Variants in PRKDC observed in about 807,000 individuals in gnomAD.
PRKDC encodes the protein protein kinase, DNA-activated, catalytic subunit.
Under a neutral mutation model 486.9 loss-of-function variants are expected in PRKDC, and 82 were observed. That is an observed-to-expected ratio of 0.17 (90% CI 0.14 to 0.20). The LOEUF (loss-of-function observed/expected upper bound fraction) is 0.20. Among genes scored for constraint, PRKDC ranks in the 10% least tolerant of loss-of-function variants. The pLI is 1.00. For synonymous variants in PRKDC, 1,895 were observed against 1,837.0 expected, an observed-to-expected ratio of 1.03 and a Z score of -0.81; for missense variants, 4,504 against 5,038.2, an observed-to-expected ratio of 0.89 and a Z score of 3.21.
chr8:47,860,391 C>T (rs910470935), intron 45 of PRKDC, among the ~76,000 whole-genome samples: 11 of 152,152 alleles, frequency 7.2e-5, no homozygotes, highest in African/African-American at 2.7e-4. Context: ...CTGGCGCCTA[C>T]AAGGCACAGG....
chr8:47,812,882 T>C (rs918369399), intron 68 of PRKDC, among the ~76,000 whole-genome samples: 1 of 151,442 alleles, frequency 6.6e-6, no homozygotes, highest in African/African-American at 2.4e-5. Flanking sequence ...ATAACCAATA[T>C]CTGGAATGAA....
At chr8:47,936,658 C>T in intron 11 of PRKDC, 141 bp from the exon 12 acceptor site, 8 of 969,774 alleles carry the variant, frequency 8.2e-6, no homozygotes, top group Non-Finnish European at 8.9e-6. Context: ...TCGCTCTTGT[C>T]CAGGCTGGAG....
intron 22 of PRKDC, among the ~76,000 whole-genome samples, chr8:47,917,270 C>T (rs1381724123): frequency 6.6e-6 from 1 of 151,634 alleles, no homozygotes; most frequent in Admixed American, 6.6e-5. Flanking sequence ...AAAATTAAAT[C>T]GATAAGAAAA....
At chr8:47,906,620 G>A (rs367685391) in intron 25 of PRKDC, among the ~76,000 whole-genome samples, 3 of 148,292 alleles carry the variant, frequency 2.0e-5, no homozygotes, top group Admixed American at 7.1e-5. Context: ...GTGAGATTCC[G>A]TCAAAAAAAA....
intron 25 of PRKDC, among the ~76,000 whole-genome samples, chr8:47,911,338 C>G (rs1368617372): frequency 2.0e-5 from 3 of 152,240 alleles, no homozygotes; most frequent in African/African-American, 4.8e-5. Flanking sequence ...GTGCTTCACA[C>G]AGAGGATGAC....
At chr8:47,919,858 A>G (rs1351889750) in intron 21 of PRKDC, among the ~76,000 whole-genome samples, 1 of 152,076 alleles carries the variant, frequency 6.6e-6, no homozygotes, top group Non-Finnish European at 1.5e-5. Flanking sequence ...GGCCATAAAC[A>G]AAATCTCTGC....
chr8:47,831,473 C>A lies in PRKDC; in HGVS notation c.8265+341G>T, dbSNP rs562059702. 7.2e-5 allele frequency among the ~76,000 whole-genome samples: 11 copies of A among 152,320 alleles called. No homozygotes were observed. In the South Asian group the frequency reaches 2.3e-3, roughly 32 times the overall value. On this transcript the variant is annotated intron_variant, in intron 60 of 85. Transcript: ENST00000314191. ...CCTGTCCTCGGGGCACCGTGGGTCC[C>A]AGCCCCCAGCTGCCCTCCCGCCGCA...
Position 47,927,314 on chromosome 8 carries a change from C to T in PRKDC, c.2299G>A (p.Glu767Lys). 1 of 1,613,758 alleles carries T rather than the reference C, an allele frequency of 6.2e-7. No homozygotes were observed. The highest frequency in any genetic ancestry group is 8.5e-7 in the Non-Finnish European group (1 of 1,179,786). ...TCTTCTAGAGCATTCAGGCCTACTT[C>T]TGCCAAGGGGGTATAGCTCAGGCCC... ...KLGLSYTPLA[E>K]VGLNALEEWS... The change falls in exon 21 of 86, where the codon GAA (glutamate) becomes AAA (lysine). Residue 767 changes from glutamate (E) to lysine (K), a missense_variant. Glu to Lys is a moderately conservative substitution (Grantham distance 56, BLOSUM62 1). This residue lies in a region of PRKDC where 1,969 missense variants were observed against 2,068.9 expected (regional missense o/e 0.95). Coordinates refer to ENST00000314191, the MANE Select transcript of PRKDC (RefSeq NM_006904.7).
At chr8:47,792,330 C>T (rs1393926849) in intron 74 of PRKDC, among the ~76,000 whole-genome samples, 4 of 149,644 alleles carry the variant, frequency 2.7e-5, no homozygotes, top group African/African-American at 7.4e-5. Context: ...TTGATCTCGG[C>T]TCACTGCAAG....
Position 47,874,095 on chromosome 8 carries a change from C to T in PRKDC, c.5363+3629G>A, listed in dbSNP as rs560388591. ...GGTAGCTGGGACTACAGGCGCCCAC[C>T]ACCACGCCCGGCTAATTTTTTTTTT... On this transcript the variant is annotated intron_variant, in intron 40 of 85. Transcript: ENST00000314191. Among the ~76,000 whole-genome samples the T allele has an allele frequency of 1.1e-4, 17 of 151,396 alleles. No individual in the cohort carries two copies. In the South Asian group the frequency reaches 3.6e-3, roughly 32 times the overall value.
At chr8:47,897,421 C>T (rs1006492731) in intron 29 of PRKDC, 127 bp from the exon 30 acceptor site, 25 of 940,212 alleles carry the variant, frequency 2.7e-5, no homozygotes, top group East Asian at 5.3e-5. Context: ...AAAAGGCATT[C>T]GACTTATTTT....
Position 47,794,514 on chromosome 8 carries a change from G to A in PRKDC, c.10459-13C>T. 1 of 1,568,204 alleles carries A rather than the reference G, an allele frequency of 6.4e-7. No homozygotes were observed. Among genetic ancestry groups the A allele is most frequent in the African/African-American group, 1.4e-5 (1 of 73,768 alleles). ...GAACGGAAGAGATCTAAAACAGAGA[G>A]CTGAAACTTAATGCTGAGTAAAACA... On this transcript the variant is annotated splice_polypyrimidine_tract_variant and intron_variant, in intron 73 of 85. Coordinates refer to ENST00000314191, the MANE Select transcript of PRKDC (RefSeq NM_006904.7).
At chr8:47,888,211 T>C (rs1482640676) in intron 34 of PRKDC, among the ~76,000 whole-genome samples, 1 of 152,228 alleles carries the variant, frequency 6.6e-6, no homozygotes. Context: ...TCTTCATTTG[T>C]GTTGTCTTGC....
At chr8:47,806,838 G>C (rs949815777) in intron 69 of PRKDC, among the ~76,000 whole-genome samples, 3 of 152,140 alleles carry the variant, frequency 2.0e-5, no homozygotes, top group African/African-American at 7.2e-5. Context: ...AGGCTTTCTG[G>C]AGAGTTTTGA....
intron 51 of PRKDC, among the ~76,000 whole-genome samples, chr8:47,853,350 C>T (rs1325446713): frequency 6.6e-6 from 1 of 152,250 alleles, no homozygotes; most frequent in African/African-American, 2.4e-5. Context: ...CATGTGTCAT[C>T]TCTGGCACCA....
chr8:47,919,564 G>C (rs2090041073), intron 21 of PRKDC, among the ~76,000 whole-genome samples: 1 of 152,138 alleles, frequency 6.6e-6, no homozygotes, highest in Non-Finnish European at 1.5e-5. Flanking sequence ...ACCTGCCGGT[G>C]GTTTAACTCC....
At chr8:47,925,505 C>G (rs1003610644) in intron 21 of PRKDC, among the ~76,000 whole-genome samples, 1 of 152,172 alleles carries the variant, frequency 6.6e-6, no homozygotes, top group Non-Finnish European at 1.5e-5. Flanking sequence ...CTAAAAGTAA[C>G]ACATGATCCT....
intron 74 of PRKDC, among the ~76,000 whole-genome samples, chr8:47,790,737 A>G (rs1325795791): frequency 1.3e-5 from 2 of 152,248 alleles, no homozygotes; most frequent in Non-Finnish European, 2.9e-5. Context: ...GGAACAGAAT[A>G]GAGAACCCAG....
At chr8:47,852,888 T>C (rs2088442457) in intron 51 of PRKDC, 104 bp from the exon 52 acceptor site, 2 of 738,626 alleles carry the variant, frequency 2.7e-6, no homozygotes, top group Non-Finnish European at 4.5e-6. Flanking sequence ...CAGCCTAAGT[T>C]GAGGAAATCT....
Sources: allele counts gnomAD v4.1 joint callset (sites outside exome capture counted in the v4.1 genomes callset), GRCh38; gene constraint gnomAD v4.1.1; regional missense constraint gnomAD v4.1.1; transcripts MANE v1.5; gene names NCBI Gene and HGNC (gene_info 2026-07-23, HGNC 2026-07-21).